Variants in RIC3 observed in about 807,000 individuals in gnomAD.
The protein encoded by RIC3 is RIC3 acetylcholine receptor chaperone.
RIC3 carries 28 observed loss-of-function variants against 27.3 expected under a neutral mutation model. The observed-to-expected ratio is 1.02, with a 90% CI of 0.76 to 1.41. The LOEUF (loss-of-function observed/expected upper bound fraction) is 1.41. RIC3 is among the 40% of genes most tolerant of loss of function. The pLI, the probability that RIC3 is intolerant of heterozygous loss-of-function variation, is 0.00. For missense variants in RIC3, 501 were observed against 444.7 expected (o/e 1.13, Z -1.14); for synonymous variants, 184 against 160.4 (o/e 1.15, Z -1.11).
intron 1 of RIC3, among the ~76,000 whole-genome samples, chr11:8,152,935 G>C (rs1950365007): frequency 6.6e-6 from 1 of 152,020 alleles, no homozygotes; most frequent in Non-Finnish European, 1.5e-5. Flanking sequence ...GTTGATGAGT[G>C]AGTAACAGGA....
intron 1 of RIC3, among the ~76,000 whole-genome samples, chr11:8,155,483 G>A (rs1950586046): frequency 6.6e-6 from 1 of 152,084 alleles, no homozygotes; most frequent in South Asian, 2.1e-4. Flanking sequence ...AGCTAAGGCA[G>A]GAGAATCGCT....
chr11:8,158,897 G>T (rs1205132500), intron 1 of RIC3, among the ~76,000 whole-genome samples: 1 of 148,006 alleles, frequency 6.8e-6, no homozygotes, highest in East Asian at 2.1e-4. Context: ...CATGCCCAGA[G>T]AATTTTTGTA....
chr11:8,123,864 C>A (rs1186756332), intron 5 of RIC3, among the ~76,000 whole-genome samples: 1 of 151,122 alleles, frequency 6.6e-6, no homozygotes, highest in Non-Finnish European at 1.5e-5. Flanking sequence ...GCTGGGCCTA[C>A]AGGCATGCAC....
intron 2 of RIC3, chr11:8,139,448 T>C (rs1189035345): frequency 6.4e-6 from 1 of 157,358 alleles, no homozygotes; most frequent in East Asian, 1.9e-4. Flanking sequence ...GAGGGACAGT[T>C]CTGTCTCAGG....
Position 8,115,833 on chromosome 11 carries a change from A to G in RIC3, c.671-4696T>C, listed in dbSNP as rs146532668. 6.3e-3 allele frequency among the ~76,000 whole-genome samples: 961 copies of G among 152,374 alleles called. 22 individuals carry two copies. Among genetic ancestry groups the G allele is most frequent in the Admixed American group, 0.051 (783 of 15,298 alleles). ...ATGTCCATACTATACAAAGCAATCTACAGATTTAATACAATCCCTATCAAA... is the reference window on the plus strand; with the variant it reads ...ATGTCCATACTATACAAAGCAATCTGCAGATTTAATACAATCCCTATCAAA... On this transcript the variant is annotated intron_variant, in intron 5 of 5. Transcript: ENST00000309737.
At position 8,126,665 on chromosome 11, in the gene RIC3, A is replaced by C. The variant is rs201271109; in HGVS notation, c.664T>G (p.Trp222Gly). The C allele has an allele frequency of 6.2e-7, 1 of 1,614,088 alleles. No homozygotes were observed. Among genetic ancestry groups the C allele is most frequent in the African/African-American group, 1.3e-5 (1 of 75,058 alleles). Reference sequence around the variant, plus strand: ...ATGAGAAGACACTGTTTACCTTCCCAGTCCTCCATGTAAGGGGCCTCCTCA... The same window carrying C: ...ATGAGAAGACACTGTTTACCTTCCCCGTCCTCCATGTAAGGGGCCTCCTCA... ...EAEEAPYMEDWEGYPEETYPI... is the reference protein window; with the variant it reads ...EAEEAPYMEDGEGYPEETYPI... The change falls in exon 5 of 6, where the codon TGG (tryptophan) becomes GGG (glycine). Residue 222 changes from tryptophan to glycine, a missense_variant. Physicochemically the swap from Trp to Gly is radical, Grantham distance 184. Coordinates refer to ENST00000309737, the MANE Select transcript of RIC3 (RefSeq NM_001206671.4).
chr11:8,112,997 C>T (rs1945439722), intron 5 of RIC3, among the ~76,000 whole-genome samples: 1 of 152,194 alleles, frequency 6.6e-6, no homozygotes, highest in African/African-American at 2.4e-5. Context: ...TCAATCCTAC[C>T]AGTGATATAA....
chr11:8,100,475 G>A, the RIC3 span: 6 of 1,588,668 alleles, frequency 3.8e-6, no homozygotes, highest in Admixed American at 6.7e-5. Flanking sequence ...GACGCCTCAG[G>A]TGGCCAGTGT....
At chr11:8,137,284 A>T in intron 4 of RIC3, 94 bp downstream of exon 4, 1 of 1,095,558 alleles carries the variant, frequency 9.1e-7, no homozygotes, top group Non-Finnish European at 1.4e-6. Context: ...TCGGCCTCCC[A>T]AAGTGCTGGG....
At chr11:8,104,933 T>G (rs75625973), downstream of RIC3, 114 of 151,760 alleles carry the variant, frequency 7.5e-4, no homozygotes, top group African/African-American at 2.5e-3. Context: ...GAAGGTTGTT[T>G]TTTTTTTTTT....
At chr11:8,112,254 C>T (rs955023802) in intron 5 of RIC3, among the ~76,000 whole-genome samples, 13 of 151,508 alleles carry the variant, frequency 8.6e-5, no homozygotes, top group African/African-American at 2.4e-4. Flanking sequence ...TTTTTTTAAC[C>T]GTATATACAC....
At chr11:8,094,046 T>C in the RIC3 span, 1 of 1,614,082 alleles carries the variant, frequency 6.2e-7, no homozygotes, top group East Asian at 2.2e-5. Context: ...TCCTGAGCAG[T>C]TCAAGAGGCC....
At position 8,111,129 on chromosome 11, in the gene RIC3, C is replaced by G. The variant is rs781763589; in HGVS notation, c.679G>C (p.Glu227Gln). 1.9e-6 allele frequency: 3 copies of G among 1,595,184 alleles called. No individual in the cohort carries two copies. The East Asian group carries it at 6.7e-5, about 36-fold the overall frequency. Residue 227 changes from glutamate to glutamine, a missense_variant, in exon 6 of 6, where the codon GAA becomes CAA. By Grantham distance (29) the Glu-to-Gln change is conservative. Coordinates refer to ENST00000309737, the MANE Select transcript of RIC3 (RefSeq NM_001206671.4). Reference protein sequence around the residue: ...PYMEDWEGYPEETYPIYDLSD... With the variant: ...PYMEDWEGYPQETYPIYDLSD... ...AGGTCATAAATTGGGTAAGTCTCTT[C>G]AGGGTAACCTAGAGAGAAAAGTAGC...
the RIC3 span, chr11:8,097,184 C>T: frequency 6.2e-7 from 1 of 1,608,380 alleles, no homozygotes; most frequent in Admixed American, 1.7e-5. Context: ...ATTTGGGCTG[C>T]TTAGGGTCCT....
At chr11:8,112,106 C>T (rs1167818263) in intron 5 of RIC3, among the ~76,000 whole-genome samples, 2 of 152,140 alleles carry the variant, frequency 1.3e-5, no homozygotes, top group African/African-American at 2.4e-5. Context: ...GACATTTCTA[C>T]ATTTACTGCT....
chr11:8,151,604 A>G (rs550118325), intron 1 of RIC3, among the ~76,000 whole-genome samples: 2 of 146,808 alleles, frequency 1.4e-5, no homozygotes, highest in Non-Finnish European at 3.0e-5. Flanking sequence ...AAAAAAGACA[A>G]ATAAACCAAG....
At chr11:8,149,050 G>A (rs1366091596) in intron 1 of RIC3, among the ~76,000 whole-genome samples, 10 of 146,418 alleles carry the variant, frequency 6.8e-5, no homozygotes, top group East Asian at 4.0e-4. Flanking sequence ...AAAATTAGCC[G>A]GGTATGGTGG....
rs186955565 is a variant in RIC3, at chr11:8,106,204, C to T, written c.*4494G>A. The T allele has an allele frequency of 5.3e-5, 8 of 152,174 alleles. No individual in the cohort carries two copies. Among genetic ancestry groups the T allele is most frequent in the African/African-American group, 1.7e-4 (7 of 41,556 alleles). 9.4% of individuals were successfully genotyped at this position (152,174 alleles called of 1,614,324 possible). A position where few individuals can be genotyped will look rare whatever the true frequency, so the allele number is the denominator to read the frequency against. ...GTAGAATTTAGTGTTTGTCTAAGTACACACATATATCAACAAATTAAACTT... is the reference window on the plus strand; with the variant it reads ...GTAGAATTTAGTGTTTGTCTAAGTATACACATATATCAACAAATTAAACTT... On this transcript the variant is annotated 3_prime_UTR_variant, in exon 6 of 6. Transcript: ENST00000309737.
At position 8,126,674 on chromosome 11, in the gene RIC3, T is replaced by C. The variant is rs568782352; in HGVS notation, c.655A>G (p.Met219Val). The part of the protein sequence containing the change: ...PEKEAEEAPY[M>V]EDWEGYPEET... ...CACTGTTTACCTTCCCAGTCCTCCATGTAAGGGGCCTCCTCAGCTTCTTTC... is the reference window on the plus strand; with the variant it reads ...CACTGTTTACCTTCCCAGTCCTCCACGTAAGGGGCCTCCTCAGCTTCTTTC... Residue 219 changes from methionine (M) to valine (V), a missense_variant, in exon 5 of 6, where the codon ATG (methionine) becomes GTG (valine). Physicochemically the swap from Met to Val is conservative, Grantham distance 21 (BLOSUM62 1). Coordinates refer to ENST00000309737, the MANE Select transcript of RIC3 (RefSeq NM_001206671.4). 4.3e-6 allele frequency: 7 copies of C among 1,613,980 alleles called. No homozygotes were observed. The highest frequency in any genetic ancestry group is 2.2e-5 in the East Asian group (1 of 44,880).
Sources: allele counts gnomAD v4.1 joint callset (sites outside exome capture counted in the v4.1 genomes callset), GRCh38; gene constraint gnomAD v4.1.1; transcripts MANE v1.5; gene names NCBI Gene and HGNC (gene_info 2026-07-23, HGNC 2026-07-21).